DACH2: variants seen among roughly 807,000 people sequenced by gnomAD.
The protein encoded by DACH2 is dachshund family transcription factor 2, also known as dachshund homolog 2.
DACH2 carries 17 observed loss-of-function variants against 35.8 expected under a neutral mutation model. The observed-to-expected ratio is 0.48, with a 90% CI of 0.33 to 0.71. The LOEUF (loss-of-function observed/expected upper bound fraction) is 0.71, where lower values mean the gene tolerates loss of function less well. Ranked by LOEUF, DACH2 falls within the 30% of genes least tolerant of loss-of-function variation. DACH2 has a pLI of 0.02. For synonymous variants in DACH2, 195 were observed against 177.3 expected (o/e 1.10, Z -0.79); for missense variants, 469 against 472.7 (o/e 0.99, Z 0.07).
rs1293621423 is a variant in DACH2 at position 86,254,781 on chromosome X, A to AATAAATAT, written c.488+105676_488+105677insAATATATA. Among the ~76,000 whole-genome samples, 22 of 22,590 alleles carry AATAAATAT rather than the reference A, an allele frequency of 9.7e-4. 1 individual carries two copies. In the Admixed American group the frequency reaches 0.015, roughly 16 times the overall value. The allele number at this position is 22,590 out of a possible 115,157, so 19.6% of individuals were successfully genotyped here. A position where few individuals can be genotyped will look rare whatever the true frequency, so the allele number is the denominator to read the frequency against. ...GTGTGGGGTGTTATTCAAATAAATA[A>AATAAATAT]ATATATATATATATATATATATATA... On this transcript the variant is annotated intron_variant, in intron 1 of 11. Coordinates refer to ENST00000373125, the MANE Select transcript of DACH2 (RefSeq NM_053281.3).
chrX:86,271,691 C>G (rs1434281733), intron 1 of DACH2, among the ~76,000 whole-genome samples: 2 of 111,635 alleles, frequency 1.8e-5, no homozygotes, highest in Admixed American at 1.9e-4. Flanking sequence ...TTCCATTCTA[C>G]TCCCAGAACC....
Position 86,326,441 on chromosome X carries a change from C to T in DACH2, c.489-50383C>T, listed in dbSNP as rs748040847. ...AAGACTGTGCCACTGCACTCCAGTTCGGGTGATGGAGTGAGTGAGACTCTG... is the reference window on the plus strand; with the variant it reads ...AAGACTGTGCCACTGCACTCCAGTTTGGGTGATGGAGTGAGTGAGACTCTG... On this transcript the variant is annotated intron_variant, in intron 1 of 11. Coordinates refer to ENST00000373125, the MANE Select transcript of DACH2 (RefSeq NM_053281.3). Among the ~76,000 whole-genome samples the T allele has an allele frequency of 5.6e-5, 6 of 107,609 alleles. No homozygotes were observed. In the South Asian group the frequency reaches 1.7e-3, roughly 30 times the overall value. 93.4% of individuals were successfully genotyped at this position (107,609 alleles called of 115,157 possible).
intron 1 of DACH2, among the ~76,000 whole-genome samples, chrX:86,167,053 C>T (rs1425343826): frequency 9.0e-6 from 1 of 111,338 alleles, no homozygotes; most frequent in Non-Finnish European, 1.9e-5. Flanking sequence ...GTTTTGGTAT[C>T]AGGTTAATAC....
intron 1 of DACH2, among the ~76,000 whole-genome samples, chrX:86,315,295 G>T (rs1348341958): frequency 8.9e-6 from 1 of 111,990 alleles, no homozygotes; most frequent in African/African-American, 3.2e-5. Flanking sequence ...GCCCGCTATT[G>T]AAACCTACTG....
chrX:86,318,243 A>ATAAG (rs2034950980), intron 1 of DACH2, among the ~76,000 whole-genome samples: 1 of 111,466 alleles, frequency 9.0e-6, no homozygotes, highest in African/African-American at 3.3e-5. Flanking sequence ...TGTTCCAAGC[A>ATAAG]TAAGTCAAAA....
intron 3 of DACH2, among the ~76,000 whole-genome samples, chrX:86,643,172 G>GTT (rs57842008): frequency 0.041 from 3,428 of 84,470 alleles, 180 homozygotes; most frequent in African/African-American, 0.13. Flanking sequence ...TCCAGGAATT[G>GTT]TTTTTTTTTT....
intron 7 of DACH2, chrX:86,742,728 T>G (rs1293175179): frequency 6.8e-6 from 2 of 295,141 alleles, no homozygotes; most frequent in South Asian, 6.6e-5. Flanking sequence ...ATAATTAAGG[T>G]AAAATGATTT....
chrX:86,554,499 A>T (rs973197758), intron 3 of DACH2, among the ~76,000 whole-genome samples: 9 of 111,870 alleles, frequency 8.0e-5, no homozygotes, highest in Non-Finnish European at 1.7e-4. Context: ...TATGTCTTTT[A>T]TGAAATAAAT....
Position 86,385,690 on chromosome X carries a change from A to G in DACH2, c.527+8828A>G, listed in dbSNP as rs771685644. ...GGATATCGAGTGATGACTATATTTT[A>G]CTTTTTAGTAGCATTAAAATCACAT... On this transcript the variant is annotated intron_variant, in intron 2 of 11. Coordinates refer to ENST00000373125, the MANE Select transcript of DACH2 (RefSeq NM_053281.3). Among the ~76,000 whole-genome samples, 17 of 110,976 alleles carry G rather than the reference A, an allele frequency of 1.5e-4. No individual in the cohort carries two copies. In the South Asian group the frequency reaches 5.0e-3, roughly 32 times the overall value.
At chrX:86,541,617 TA>T (rs1017499994) in intron 3 of DACH2, among the ~76,000 whole-genome samples, 1 of 111,684 alleles carries the variant, frequency 9.0e-6, no homozygotes, top group Non-Finnish European at 1.9e-5. Flanking sequence ...AAGAATTATA[TA>T]AAAAATTAGG....
chrX:86,292,211 G>A (rs1275188530), intron 1 of DACH2, among the ~76,000 whole-genome samples: 48 of 88,801 alleles, frequency 5.4e-4, no homozygotes, highest in African/African-American at 1.6e-3. Context: ...GTTTATTTGC[G>A]TAGAGGTGTT....
chrX:86,183,898 A>G (rs746034524), intron 1 of DACH2, among the ~76,000 whole-genome samples: 2 of 110,985 alleles, frequency 1.8e-5, no homozygotes, highest in East Asian at 5.7e-4. Context: ...CCTGGTTTAG[A>G]CTTGGGAGGG....
At chrX:86,363,406 G>T (rs1175613521) in intron 1 of DACH2, among the ~76,000 whole-genome samples, 3 of 111,356 alleles carry the variant, frequency 2.7e-5, no homozygotes, top group African/African-American at 9.8e-5. Flanking sequence ...TCTTGCAAAA[G>T]TTTTTACTGA....
intron 1 of DACH2, among the ~76,000 whole-genome samples, chrX:86,303,077 G>C (rs1291021957): frequency 2.0e-5 from 2 of 102,547 alleles, no homozygotes; most frequent in Non-Finnish European, 3.9e-5. Flanking sequence ...GTATGTTGTG[G>C]AGGTGGGATT....
At chrX:86,607,886 T>C (rs1479454037) in intron 3 of DACH2, among the ~76,000 whole-genome samples, 1 of 106,883 alleles carries the variant, frequency 9.4e-6, no homozygotes, top group Admixed American at 1.0e-4. Flanking sequence ...AGAATGATGA[T>C]TTCCAATTTC....
chrX:86,246,971 G>A (rs772139334), intron 1 of DACH2, among the ~76,000 whole-genome samples: 1 of 111,560 alleles, frequency 9.0e-6, no homozygotes, highest in African/African-American at 3.2e-5. Flanking sequence ...TCAAAGAAAA[G>A]GGATAGAGAA....
chrX:86,533,792 T>C (rs2148291418), intron 3 of DACH2, among the ~76,000 whole-genome samples: 1 of 111,749 alleles, frequency 8.9e-6, no homozygotes, highest in South Asian at 3.7e-4. Context: ...TACAAATTCT[T>C]TGGTGCCATT....
chrX:86,561,919 AAGAG>A (rs1569440874), intron 3 of DACH2, among the ~76,000 whole-genome samples: 1 of 95,903 alleles, frequency 1.0e-5, no homozygotes, highest in African/African-American at 4.1e-5. Flanking sequence ...AAAAAAAAAA[AAGAG>A]AATTCAGCAA....
At chrX:86,409,504 T>C (rs1188069372) in intron 2 of DACH2, among the ~76,000 whole-genome samples, 2 of 110,910 alleles carry the variant, frequency 1.8e-5, no homozygotes, top group East Asian at 5.7e-4. Context: ...AAGTGAGTTC[T>C]TGGGAGATCT....
Sources: gnomAD v4.1 joint callset for allele counts (sites outside exome capture counted in the v4.1 genomes callset) on GRCh38, gnomAD v4.1.1 for gene constraint, MANE v1.5 for transcripts, NCBI Gene and HGNC (gene_info 2026-07-23, HGNC 2026-07-21) for gene names.